FAM171B: variants seen among roughly 807,000 people sequenced by gnomAD.
FAM171B encodes family with sequence similarity 171 member B.
A neutral mutation model predicts 75.6 loss-of-function variants in FAM171B; 19 were observed. That is an observed-to-expected ratio of 0.25 (90% CI 0.18 to 0.37). The LOEUF is 0.37. FAM171B is among the 10% of genes least tolerant of loss of function. The pLI is 1.00. For synonymous variants in FAM171B, 367 were observed against 361.7 expected (o/e 1.01, Z -0.17); for missense variants, 848 against 982.4 (o/e 0.86, Z 1.83).
Position 186,694,103 on chromosome 2 carries a change from G to A in FAM171B, c.-71G>A. On this transcript the variant is annotated 5_prime_UTR_variant, in exon 1 of 8. Coordinates refer to ENST00000304698, the MANE Select transcript of FAM171B (RefSeq NM_177454.4). ...AGCGAGCGAGCGGGCGCTGCCAGGA[G>A]CCCGCAGCCCTGGCGCCCGCCGCCG... The A allele has an allele frequency of 1.4e-6, 2 of 1,395,140 alleles. No individual in the cohort carries two copies. Among genetic ancestry groups the A allele is most frequent in the Non-Finnish European group, 1.8e-6 (2 of 1,083,386 alleles). 86.4% of individuals were successfully genotyped at this position (1,395,140 alleles called of 1,614,324 possible).
At position 186,762,873 on chromosome 2, in the gene FAM171B, C is replaced by G; in HGVS notation, c.*50C>G. On this transcript the variant is annotated 3_prime_UTR_variant, in exon 8 of 8. Transcript: ENST00000304698. This position sits in a 1 kb window ranked among gnomAD's most constrained non-coding sequence, Gnocchi z 4.0. ...TGTCTCGTGCTGTTTATTCTTGCTT[C>G]TTGTTGTAAATTGCAGTACGAACTT... 1 of 1,552,122 alleles carries G rather than the reference C, an allele frequency of 6.4e-7. No individual in the cohort carries two copies. The highest frequency in any genetic ancestry group is 8.7e-7 in the Non-Finnish European group (1 of 1,151,836).
intron 3 of FAM171B, among the ~76,000 whole-genome samples, chr2:186,746,094 C>G (rs1275527429): frequency 6.6e-6 from 1 of 152,104 alleles, no homozygotes; most frequent in African/African-American, 2.4e-5. Flanking sequence ...TACTAAAGTT[C>G]AAAGCAAAAG....
At chr2:186,737,029 G>A (rs1013522738) in intron 1 of FAM171B, among the ~76,000 whole-genome samples, 8 of 152,098 alleles carry the variant, frequency 5.3e-5, no homozygotes, top group Non-Finnish European at 1.0e-4. Context: ...CTCTGTACTG[G>A]ACACATTATT....
rs541911351 is a variant in FAM171B at position 186,702,560 on chromosome 2, C to G, written c.238+8149C>G. 2.4e-4 allele frequency among the ~76,000 whole-genome samples: 36 copies of G among 152,128 alleles called. No individual in the cohort carries two copies. The South Asian group carries it at 2.9e-3, about 12-fold the overall frequency. On this transcript the variant is annotated intron_variant, in intron 1 of 7. Transcript: ENST00000304698. ...TAATTTTTTTTCTTTTATGATTGTT[C>G]GTGTCACAATGACTAGGCTGTATTT...
At chr2:186,724,440 A>G (rs576431685) in intron 1 of FAM171B, among the ~76,000 whole-genome samples, 2 of 152,298 alleles carry the variant, frequency 1.3e-5, no homozygotes, top group Admixed American at 6.5e-5. Flanking sequence ...TTCCCTATGT[A>G]GAGACACTTT....
At chr2:186,755,171 C>T (rs139111413) in intron 6 of FAM171B, among the ~76,000 whole-genome samples, 83 of 152,192 alleles carry the variant, frequency 5.5e-4, no homozygotes, top group Middle Eastern at 3.4e-3. Context: ...AAGAAAAATT[C>T]TCTAACCTGC....
At chr2:186,756,052 T>G (rs527574141) in intron 6 of FAM171B, among the ~76,000 whole-genome samples, 3 of 152,326 alleles carry the variant, frequency 2.0e-5, no homozygotes, top group South Asian at 4.1e-4. Context: ...TTGAGTTTTA[T>G]AGAGAAATGT....
intron 1 of FAM171B, among the ~76,000 whole-genome samples, chr2:186,728,458 A>G (rs1018037896): frequency 2.0e-5 from 3 of 152,180 alleles, no homozygotes; most frequent in African/African-American, 7.2e-5. Flanking sequence ...AAAAGTAGGT[A>G]ATCAGTAAAC....
chr2:186,751,165 TG>T lies in FAM171B; in HGVS notation c.757del (p.Ala253GlnfsTer4). ...AAAACATTGAATTGACTCCTCTTGC[TG>T]CAATATGTGTGAAAATATATTCTGG... ...FENIELTPLA[A>X]ICVKIYSGGK... On this transcript the variant is annotated frameshift_variant, in exon 5 of 8. Coordinates refer to ENST00000304698, the MANE Select transcript of FAM171B (RefSeq NM_177454.4). LOFTEE classifies it high-confidence loss of function. The T allele has an allele frequency of 6.2e-7, 1 of 1,608,048 alleles. No homozygotes were observed. The highest frequency in any genetic ancestry group is 1.1e-5 in the South Asian group (1 of 90,298).
chr2:186,701,131 A>C (rs554939406), intron 1 of FAM171B, among the ~76,000 whole-genome samples: 5 of 151,998 alleles, frequency 3.3e-5, no homozygotes. Context: ...ATGTTGACCA[A>C]GCTGTTCTCA....
intron 1 of FAM171B, among the ~76,000 whole-genome samples, chr2:186,715,871 C>T (rs769818193): frequency 6.6e-6 from 1 of 152,114 alleles, no homozygotes; most frequent in Non-Finnish European, 1.5e-5. Flanking sequence ...TCTTCCACTT[C>T]TATTTTGTTT....
chr2:186,703,063 G>GTATA (rs1254050224), intron 1 of FAM171B, among the ~76,000 whole-genome samples: 1 of 128,618 alleles, frequency 7.8e-6, no homozygotes, highest in Non-Finnish European at 1.6e-5. Flanking sequence ...ATGTGTGTGT[G>GTATA]TATATATATA....
intron 6 of FAM171B, among the ~76,000 whole-genome samples, chr2:186,757,403 AAT>A (rs60383973): frequency 1.4e-4 from 21 of 149,710 alleles, no homozygotes; most frequent in South Asian, 4.2e-4. Flanking sequence ...ACAGAGACCA[AAT>A]ATATATATAT....
intron 1 of FAM171B, among the ~76,000 whole-genome samples, chr2:186,704,011 T>C (rs942328292): frequency 2.0e-5 from 3 of 152,190 alleles, no homozygotes; most frequent in African/African-American, 7.2e-5. Context: ...TAATTCGGTT[T>C]GTATACCTGA....
At chr2:186,750,721 T>G (rs1021451715) in intron 4 of FAM171B, among the ~76,000 whole-genome samples, 11 of 152,156 alleles carry the variant, frequency 7.2e-5, no homozygotes, top group Non-Finnish European at 1.5e-4. Flanking sequence ...CTAGCACTCC[T>G]TGAAACAGAT....
chr2:186,699,389 C>T (rs1050267142), intron 1 of FAM171B, among the ~76,000 whole-genome samples: 13 of 152,076 alleles, frequency 8.5e-5, no homozygotes, highest in African/African-American at 3.1e-4. Flanking sequence ...GATGTTGAGA[C>T]CTTTTCATAT....
chr2:186,737,104 A>G (rs563450292), intron 1 of FAM171B, among the ~76,000 whole-genome samples: 87 of 152,340 alleles, frequency 5.7e-4, no homozygotes, highest in Non-Finnish European at 8.7e-4. Context: ...ATGGACTTTG[A>G]GAGCTAACTT....
intron 6 of FAM171B, among the ~76,000 whole-genome samples, chr2:186,755,527 G>A (rs1690520599): frequency 2.0e-5 from 3 of 152,148 alleles, no homozygotes; most frequent in Admixed American, 2.0e-4. Flanking sequence ...ATTAGGAATA[G>A]TCCTAGTACT....
chr2:186,694,171 G>C lies in FAM171B; in HGVS notation c.-3G>C. 1.3e-6 allele frequency: 2 copies of C among 1,593,152 alleles called. No individual in the cohort carries two copies. The highest frequency in any genetic ancestry group is 1.7e-6 in the Non-Finnish European group (2 of 1,175,560). On this transcript the variant is annotated 5_prime_UTR_variant, in exon 1 of 8. Coordinates refer to ENST00000304698, the MANE Select transcript of FAM171B (RefSeq NM_177454.4). ...TGCCGCCGCGGCCCTCTGGCTCTAG[G>C]CCATGGCGAGGCTCTGCCGGCGTGT...
Sources: allele counts gnomAD v4.1 joint callset (sites outside exome capture counted in the v4.1 genomes callset), GRCh38; gene constraint gnomAD v4.1.1; non-coding constraint Gnocchi (gnomAD v3.1); transcripts MANE v1.5; gene names NCBI Gene and HGNC (gene_info 2026-07-23, HGNC 2026-07-21).